The following CACNA2D4 variants were observed in gnomAD, a reference collection of about 807,000 sequenced individuals.
CACNA2D4 encodes voltage-dependent calcium channel subunit alpha-2/delta-4.
CACNA2D4 carries 157 observed loss-of-function variants against 163.8 expected under a neutral mutation model. The ratio of observed to expected loss-of-function variants is 0.96; its 90% CI spans 0.84 to 1.09. CACNA2D4 has a LOEUF of 1.09. Among genes scored for constraint, CACNA2D4 ranks in the 50% least tolerant of loss-of-function variants. The probability of loss-of-function intolerance (pLI) is 0.00; values close to 1 mark genes in which losing one functional copy is unlikely to be tolerated. For missense variants in CACNA2D4, 1,410 were observed against 1,479.9 expected (o/e 0.95, Z 0.78); for synonymous variants, 598 against 586.9 (o/e 1.02, Z -0.27).
intron 6 of CACNA2D4, among the ~76,000 whole-genome samples, chr12:1,895,299 C>T (rs1439120800): frequency 6.6e-6 from 1 of 151,884 alleles, no homozygotes; most frequent in Non-Finnish European, 1.5e-5. Flanking sequence ...ACCATACTGC[C>T]CAAAGCAATC....
At chr12:1,867,780 C>T (rs1297030833) in intron 18 of CACNA2D4, among the ~76,000 whole-genome samples, 2 of 152,096 alleles carry the variant, frequency 1.3e-5, no homozygotes, top group Non-Finnish European at 2.9e-5. Flanking sequence ...CACCACCCCA[C>T]ACATCCAAAT....
intron 34 of CACNA2D4, among the ~76,000 whole-genome samples, chr12:1,797,855 C>G (rs1863182888): frequency 6.6e-6 from 1 of 152,138 alleles, no homozygotes; most frequent in African/African-American, 2.4e-5. Flanking sequence ...TTCCAGCACT[C>G]AGATCCCGGG....
intron 32 of CACNA2D4, 154 bp downstream of exon 32, chr12:1,800,232 G>T: frequency 1.1e-6 from 1 of 949,978 alleles, no homozygotes. Context: ...GCAGGGAAGA[G>T]GTGGCGTCCA....
At chr12:1,909,309 A>T (rs1408800441) in intron 4 of CACNA2D4, among the ~76,000 whole-genome samples, 3 of 152,200 alleles carry the variant, frequency 2.0e-5, no homozygotes, top group African/African-American at 4.8e-5. Flanking sequence ...CTCCTGCCTC[A>T]GCCTCCTGAG....
intron 1 of CACNA2D4, chr12:1,915,305 T>C (rs2154453208): frequency 1.4e-6 from 1 of 701,604 alleles, no homozygotes; most frequent in Non-Finnish European, 2.6e-6. Context: ...CGGCAGGTTC[T>C]CCTGCTGAGG....
rs1863030978 is a variant in CACNA2D4, at chr12:1,793,467, G to A, written c.*188C>T. On this transcript the variant is annotated 3_prime_UTR_variant, in exon 38 of 38. Coordinates refer to ENST00000382722, the MANE Select transcript of CACNA2D4 (RefSeq NM_172364.5). Reference sequence around the variant, plus strand: ...GGCACCATGAAGCATCTTGAAAGTGGTGCCAGGTGATTGGTTTCCTGTTCC... The same window carrying A: ...GGCACCATGAAGCATCTTGAAAGTGATGCCAGGTGATTGGTTTCCTGTTCC... 1.6e-6 allele frequency: 1 copy of A among 637,474 alleles called. No homozygotes were observed. The highest frequency in any genetic ancestry group is 2.9e-6 in the Non-Finnish European group (1 of 348,424). The allele number at this position is 637,474 out of a possible 1,614,324, so 39.5% of individuals were successfully genotyped here. A position where few individuals can be genotyped will look rare whatever the true frequency, so the allele number is the denominator to read the frequency against.
In CACNA2D4 at chr12:1,878,576, G is replaced by T; in HGVS notation, c.1645-187C>A. 1 of 1,090,486 alleles carries T rather than the reference G, an allele frequency of 9.2e-7. No homozygotes were observed. Among genetic ancestry groups the T allele is most frequent in the Non-Finnish European group, 1.3e-6 (1 of 745,136 alleles). The allele number at this position is 1,090,486 out of a possible 1,614,324, so 67.6% of individuals were successfully genotyped here. ...TGATTGAGGAGTCCTTTCCAAACCG[G>T]ACTGTTTATAGCAACCGTCATCATA... is the stretch of plus-strand genomic sequence containing the variant. On this transcript the variant is annotated intron_variant, in intron 15 of 37. Coordinates refer to ENST00000382722, the MANE Select transcript of CACNA2D4 (RefSeq NM_172364.5). This position sits in a 1 kb window ranked among gnomAD's most constrained non-coding sequence, Gnocchi z 4.6.
intron 24 of CACNA2D4, 84 bp downstream of exon 24, chr12:1,846,509 AC>A (rs1206109842): frequency 9.0e-6 from 10 of 1,112,194 alleles, no homozygotes; most frequent in Non-Finnish European, 1.2e-5. Context: ...GTGCCAGTCC[AC>A]CCATGGCCCA....
intron 11 of CACNA2D4, 135 bp from the exon 12 acceptor site, chr12:1,884,456 C>A: frequency 4.1e-6 from 3 of 730,382 alleles, no homozygotes; most frequent in South Asian, 1.7e-5. Context: ...CCCCCTGAGG[C>A]CCAGGCAGCA....
chr12:1,849,136 T>C (rs984665355), intron 23 of CACNA2D4, among the ~76,000 whole-genome samples: 7 of 152,190 alleles, frequency 4.6e-5, no homozygotes, highest in African/African-American at 1.4e-4. Flanking sequence ...GGACTGACAT[T>C]GAAAGTCCGA....
chr12:1,841,417 T>C (rs939616409), intron 25 of CACNA2D4, among the ~76,000 whole-genome samples: 1 of 152,250 alleles, frequency 6.6e-6, no homozygotes, highest in African/African-American at 2.4e-5. Flanking sequence ...CTGAGGCTCC[T>C]GAAGGCCACA....
At position 1,828,022 on chromosome 12, in the gene CACNA2D4, G is replaced by C. The variant is rs968017823; in HGVS notation, c.2551+12717C>G. The C allele has an allele frequency of 6.4e-6, 5 of 777,426 alleles. No individual in the cohort carries two copies. Among genetic ancestry groups the C allele is most frequent in the Middle Eastern group, 3.9e-4 (1 of 2,540 alleles). The allele number at this position is 777,426 out of a possible 1,614,324, so 48.2% of individuals were successfully genotyped here. A position where few individuals can be genotyped will look rare whatever the true frequency, so the allele number is the denominator to read the frequency against. On this transcript the variant is annotated intron_variant, in intron 26 of 37. Transcript: ENST00000382722. This position sits in a 1 kb window ranked among gnomAD's most constrained non-coding sequence, Gnocchi z 4.2. Reference sequence around the variant, plus strand: ...ACCCGGGCCCTCTCCCTAACCCCTGGGCTGGAACGGGGCTCCCGCGCCTGC... The same window carrying C: ...ACCCGGGCCCTCTCCCTAACCCCTGCGCTGGAACGGGGCTCCCGCGCCTGC...
chr12:1,800,040 C>T lies in CACNA2D4; in HGVS notation c.2934G>A (p.Glu978=), dbSNP rs1323760396. ...CGTACCAGGAGCCCCAGACACTCCA[C>T]TCCAGCAGGAACCTGTCAGACACAG... ...LLQELVLFLL[E]WSVWGSWYDR... is the part of the protein sequence containing the mutation. Residue 978 remains glutamate, a synonymous_variant, in exon 33 of 38, where the codon GAG becomes GAA. Transcript: ENST00000382722. 1.9e-6 allele frequency: 3 copies of T among 1,602,712 alleles called. No homozygotes were observed. The highest frequency in any genetic ancestry group is 2.6e-6 in the Non-Finnish European group (3 of 1,174,858).
At chr12:1,886,094 G>A (rs1866136495) in intron 8 of CACNA2D4, 55 bp from the exon 9 acceptor site, 2 of 1,549,704 alleles carry the variant, frequency 1.3e-6, no homozygotes, top group East Asian at 4.5e-5. Flanking sequence ...GCATCAGGTT[G>A]CAAAGTCCAG....
intron 26 of CACNA2D4, among the ~76,000 whole-genome samples, chr12:1,832,785 C>G (rs1864689722): frequency 6.6e-6 from 1 of 152,188 alleles, no homozygotes. Context: ...CTTACAGCAG[C>G]TAATTGAGAT....
rs774639788 is a variant in CACNA2D4 at position 1,795,198 on chromosome 12, A to G, written c.3309+101T>C. ...GAGAAGCACAGGCACAGGTGTGTTCATTGGCATCCCTATATGCTCCTGTCT... is the reference window on the plus strand; with the variant it reads ...GAGAAGCACAGGCACAGGTGTGTTCGTTGGCATCCCTATATGCTCCTGTCT... On this transcript the variant is annotated intron_variant, in intron 37 of 37. Transcript: ENST00000382722. 6.8e-6 allele frequency: 7 copies of G among 1,025,146 alleles called. No individual in the cohort carries two copies. The African/African-American group carries it at 7.9e-5, about 12-fold the overall frequency. 63.5% of individuals were successfully genotyped at this position (1,025,146 alleles called of 1,614,324 possible). A position where few individuals can be genotyped will look rare whatever the true frequency, so the allele number is the denominator to read the frequency against.
intron 3 of CACNA2D4, among the ~76,000 whole-genome samples, chr12:1,911,564 G>T (rs1448969846): frequency 2.6e-5 from 4 of 152,112 alleles, no homozygotes; most frequent in Non-Finnish European, 5.9e-5. Flanking sequence ...CTCATTTCAG[G>T]GAGGCTTTGC....
chr12:1,875,240 TC>T lies in CACNA2D4; in HGVS notation c.1806+10del. On this transcript the variant is annotated intron_variant, in intron 17 of 37. Coordinates refer to ENST00000382722, the MANE Select transcript of CACNA2D4 (RefSeq NM_172364.5). This position sits in a 1 kb window ranked among gnomAD's most constrained non-coding sequence, Gnocchi z 4.0. ...TAACTAGCTTCCCTTCCCCCTATTT[TC>T]CCCACTCACAGATTCAGCCTGGTCT... 1 of 1,596,116 alleles carries T rather than the reference TC, an allele frequency of 6.3e-7. No individual in the cohort carries two copies. Among genetic ancestry groups the T allele is most frequent in the Non-Finnish European group, 8.6e-7 (1 of 1,163,874 alleles).
chr12:1,918,501 C>T lies in CACNA2D4; in HGVS notation c.-28G>A, dbSNP rs759010315. ...GCTCTGTCTGCCTTCCTCCCAGACC[C>T]CAGGACGCCCCAGGCCTTTGTCTTC... On this transcript the variant is annotated 5_prime_UTR_variant, in exon 1 of 38. Transcript: ENST00000382722. 3.3e-6 allele frequency: 5 copies of T among 1,526,824 alleles called. No individual in the cohort carries two copies. In the South Asian group the frequency reaches 6.0e-5, roughly 18 times the overall value. The allele number at this position is 1,526,824 out of a possible 1,614,324, so 94.6% of individuals were successfully genotyped here.
Sources: gnomAD v4.1 joint callset for allele counts (sites outside exome capture counted in the v4.1 genomes callset) on GRCh38, gnomAD v4.1.1 for gene constraint, Gnocchi (gnomAD v3.1) non-coding constraint, MANE v1.5 for transcripts, NCBI Gene and HGNC (gene_info 2026-07-23, HGNC 2026-07-21) for gene names.